The following KCNB2 variants were observed in gnomAD, a reference collection of about 807,000 sequenced individuals.
KCNB2 encodes the protein delayed rectifier potassium channel protein.
KCNB2 carries 15 observed loss-of-function variants against 61.5 expected under a neutral mutation model. That is an observed-to-expected ratio of 0.24 (90% CI 0.16 to 0.38). The LOEUF is 0.38. Among genes scored for constraint, KCNB2 ranks in the 10% least tolerant of loss-of-function variants. KCNB2 has a pLI of 1.00. For synonymous variants in KCNB2, 457 were observed against 446.0 expected, an observed-to-expected ratio of 1.02 and a Z score of -0.31; for missense variants, 828 against 1,125.2, an observed-to-expected ratio of 0.74 and a Z score of 3.78.
At chr8:72,653,262 A>G (rs1806240369) in intron 2 of KCNB2, among the ~76,000 whole-genome samples, 1 of 152,132 alleles carries the variant, frequency 6.6e-6, no homozygotes, top group South Asian at 2.1e-4. Flanking sequence ...TCAATCCACT[A>G]TACTTTGTAG....
At chr8:72,541,089 C>T (rs1267760770) in intron 1 of KCNB2, among the ~76,000 whole-genome samples, 1 of 151,682 alleles carries the variant, frequency 6.6e-6, no homozygotes, top group East Asian at 1.9e-4. Flanking sequence ...TAATTTTATA[C>T]TTAGCAAATT....
At chr8:72,838,137 T>A (rs958810857) in intron 2 of KCNB2, among the ~76,000 whole-genome samples, 3 of 152,242 alleles carry the variant, frequency 2.0e-5, no homozygotes, top group Non-Finnish European at 4.4e-5. Context: ...TATTATACTT[T>A]AAGTTATAGG....
chr8:72,564,594 G>A (rs139847988), intron 1 of KCNB2, among the ~76,000 whole-genome samples: 26 of 152,072 alleles, frequency 1.7e-4, no homozygotes, highest in African/African-American at 4.8e-4. Context: ...TAATATTTTC[G>A]GCTGTTTTTG....
intron 1 of KCNB2, among the ~76,000 whole-genome samples, chr8:72,560,811 G>T (rs771080651): frequency 4.6e-5 from 7 of 151,746 alleles, no homozygotes; most frequent in Non-Finnish European, 7.4e-5. Flanking sequence ...ATAAAGAAAG[G>T]TTTTTTTTCT....
chr8:72,871,881 C>T (rs893985677), intron 2 of KCNB2, among the ~76,000 whole-genome samples: 1 of 152,210 alleles, frequency 6.6e-6, no homozygotes, highest in Non-Finnish European at 1.5e-5. Flanking sequence ...AGTTTCAACT[C>T]ATATGGTATC....
At chr8:72,908,552 T>C (rs562387144) in intron 2 of KCNB2, among the ~76,000 whole-genome samples, 18 of 152,236 alleles carry the variant, frequency 1.2e-4, no homozygotes, top group African/African-American at 4.1e-4. Flanking sequence ...GCTCATAGCA[T>C]AGTATAGGAA....
intron 2 of KCNB2, among the ~76,000 whole-genome samples, chr8:72,664,701 C>T (rs910532568): frequency 2.0e-5 from 3 of 152,134 alleles, no homozygotes; most frequent in South Asian, 2.1e-4. Flanking sequence ...AGGGATGTAG[C>T]AGTAAGCAAA....
At chr8:72,924,655 G>A (rs182558486) in intron 2 of KCNB2, among the ~76,000 whole-genome samples, 60 of 152,216 alleles carry the variant, frequency 3.9e-4, no homozygotes, top group African/African-American at 1.4e-3. Flanking sequence ...AAAAAAAAGG[G>A]CCTCTCTGCC....
At chr8:72,924,530 T>C (rs1047025787) in intron 2 of KCNB2, among the ~76,000 whole-genome samples, 6 of 152,108 alleles carry the variant, frequency 3.9e-5, no homozygotes, top group Admixed American at 6.5e-5. Flanking sequence ...ATGCTAAAGA[T>C]TGAAGAACCA....
intron 2 of KCNB2, among the ~76,000 whole-genome samples, chr8:72,817,358 A>G (rs1809418333): frequency 6.6e-6 from 1 of 152,160 alleles, no homozygotes; most frequent in Non-Finnish European, 1.5e-5. Context: ...AAGAATAGAC[A>G]CTGCCTACTG....
At chr8:72,628,692 G>A (rs1805833440) in intron 2 of KCNB2, among the ~76,000 whole-genome samples, 1 of 152,108 alleles carries the variant, frequency 6.6e-6, no homozygotes. Context: ...GCAGCTTCCA[G>A]CATGCCCCAT....
intron 2 of KCNB2, among the ~76,000 whole-genome samples, chr8:72,807,399 C>G (rs1809242477): frequency 6.6e-6 from 1 of 152,124 alleles, no homozygotes; most frequent in Non-Finnish European, 1.5e-5. Flanking sequence ...ACTTGACCAC[C>G]CTGCAGGTAT....
At chr8:72,727,221 C>T (rs542072575) in intron 2 of KCNB2, among the ~76,000 whole-genome samples, 2 of 152,186 alleles carry the variant, frequency 1.3e-5, no homozygotes, top group African/African-American at 4.8e-5. Flanking sequence ...TACGTCCCCC[C>T]CAGACCTATT....
chr8:72,745,803 A>ATAGT (rs369662503), intron 2 of KCNB2, among the ~76,000 whole-genome samples: 1,549 of 152,190 alleles, frequency 0.01, 7 homozygotes, highest in Middle Eastern at 0.078. Context: ...CTTTAATCAC[A>ATAGT]TAGTTGGTCT....
chr8:72,713,480 G>T (rs1419807772), intron 2 of KCNB2, among the ~76,000 whole-genome samples: 2 of 152,152 alleles, frequency 1.3e-5, no homozygotes, highest in Admixed American at 1.3e-4. Context: ...GAAACGATCA[G>T]GCAGCAGCAT....
chr8:72,722,637 T>C (rs2247329), intron 2 of KCNB2, among the ~76,000 whole-genome samples: 104,316 of 152,088 alleles, frequency 0.69, 36,871 homozygotes, highest in African/African-American at 0.85. Context: ...TCTGCTCACC[T>C]GGGACAGTAA....
chr8:72,619,537 T>A (rs1805681522), intron 2 of KCNB2, among the ~76,000 whole-genome samples: 1 of 151,014 alleles, frequency 6.6e-6, no homozygotes. Flanking sequence ...CTCCATTTTT[T>A]TTTTTTTTAA....
intron 2 of KCNB2, among the ~76,000 whole-genome samples, chr8:72,743,772 A>G (rs1808009353): frequency 6.6e-6 from 1 of 152,186 alleles, no homozygotes; most frequent in Non-Finnish European, 1.5e-5. Flanking sequence ...TAAGTTTCAC[A>G]TATTATTATA....
chr8:72,679,985 A>G lies in KCNB2; in HGVS notation c.579+111672A>G, dbSNP rs1389265383. 3.3e-5 allele frequency among the ~76,000 whole-genome samples: 5 copies of G among 152,206 alleles called. No homozygotes were observed. The South Asian group carries it at 6.2e-4, about 19-fold the overall frequency. On this transcript the variant is annotated intron_variant, in intron 2 of 2. Transcript: ENST00000523207. ...GGTCCTGTTTTATTCATCCTGTTCTATTAAGCTAAGATCGATAATGCAACT... is the reference window on the plus strand; with the variant it reads ...GGTCCTGTTTTATTCATCCTGTTCTGTTAAGCTAAGATCGATAATGCAACT...
Sources: gnomAD v4.1 joint callset for allele counts (sites outside exome capture counted in the v4.1 genomes callset) on GRCh38, gnomAD v4.1.1 for gene constraint, MANE v1.5 for transcripts, NCBI Gene and HGNC (gene_info 2026-07-23, HGNC 2026-07-21) for gene names.